Variants in DAB1 observed in about 807,000 individuals in gnomAD.
DAB1 encodes DAB adaptor protein 1.
DAB1 carries 15 observed loss-of-function variants against 64.6 expected under a neutral mutation model. That is an observed-to-expected ratio of 0.23 (90% CI 0.16 to 0.36). DAB1 has a LOEUF of 0.36. Among genes scored for constraint, DAB1 ranks in the 10% least tolerant of loss-of-function variants. The probability of loss-of-function intolerance (pLI) is 1.00; values close to 1 mark genes in which losing one functional copy is unlikely to be tolerated. For missense variants in DAB1, 596 were observed against 706.7 expected (o/e 0.84, Z 1.78); for synonymous variants, 235 against 251.9 (o/e 0.93, Z 0.64).
At chr1:57,365,846 C>A (rs1490852868) in intron 1 of DAB1, among the ~76,000 whole-genome samples, 1 of 152,124 alleles carries the variant, frequency 6.6e-6, no homozygotes, top group African/African-American at 2.4e-5. Context: ...ATCCTGACAC[C>A]TTCTAGTGTG....
rs1646007888 is a variant in DAB1 at position 57,979,423 on chromosome 1, G to A, written n.388-95261C>T. Among the ~76,000 whole-genome samples the A allele has an allele frequency of 2.6e-5, 4 of 152,268 alleles. 1 individual carries two copies. The South Asian group carries it at 8.3e-4, about 32-fold the overall frequency. On this transcript the variant is annotated intron_variant and non_coding_transcript_variant, in intron 5 of 20. Transcript: ENST00000485760. ...AGACCAGGGCCTATGGGGGATGGGG[G>A]GCTAGGGGAGGGATAACATTGGGAG...
intron 7 of DAB1, among the ~76,000 whole-genome samples, chr1:57,508,912 A>G (rs1558446127): frequency 6.6e-6 from 1 of 151,880 alleles, no homozygotes; most frequent in Admixed American, 6.6e-5. Flanking sequence ...TAAAACATTT[A>G]TATATGCACA....
Position 57,127,501 on chromosome 1 carries a change from C to T in DAB1, c.306+9042G>A, listed in dbSNP as rs533925226. 6.6e-4 allele frequency among the ~76,000 whole-genome samples: 101 copies of T among 152,270 alleles called. 1 individual carries two copies. Among genetic ancestry groups the T allele is most frequent in the Non-Finnish European group, 8.4e-4 (57 of 68,014 alleles). On this transcript the variant is annotated intron_variant, in intron 4 of 14. Transcript: ENST00000371236. ...TTCTATAACACTGATTATTTTCTAACAGAGTATATTATTTATGTATGTCTA... is the reference window on the plus strand; with the variant it reads ...TTCTATAACACTGATTATTTTCTAATAGAGTATATTATTTATGTATGTCTA...
intron 3 of DAB1, among the ~76,000 whole-genome samples, chr1:58,380,502 T>C (rs766407071): frequency 8.5e-5 from 13 of 152,216 alleles, no homozygotes; most frequent in Admixed American, 2.0e-4. Flanking sequence ...CAGCCCTGGA[T>C]TGTTGCATGA....
At chr1:57,675,374 T>G (rs1646553930) in intron 6 of DAB1, among the ~76,000 whole-genome samples, 1 of 152,168 alleles carries the variant, frequency 6.6e-6, no homozygotes, top group South Asian at 2.1e-4. Flanking sequence ...ATAAGGAAGC[T>G]CTACAGAGTC....
At chr1:57,813,495 G>A (rs1651721073) in intron 6 of DAB1, among the ~76,000 whole-genome samples, 1 of 152,214 alleles carries the variant, frequency 6.6e-6, no homozygotes, top group South Asian at 2.1e-4. Context: ...CACAGCAGAG[G>A]AACAGGCAGA....
intron 3 of DAB1, among the ~76,000 whole-genome samples, chr1:58,361,203 C>T (rs1644160702): frequency 1.3e-5 from 2 of 152,184 alleles, no homozygotes; most frequent in African/African-American, 2.4e-5. Flanking sequence ...GCCCCTGGGT[C>T]TGGCCTCCTA....
At chr1:57,005,245 C>T (rs570182362) in intron 14 of DAB1, among the ~76,000 whole-genome samples, 42 of 152,318 alleles carry the variant, frequency 2.8e-4, no homozygotes, top group African/African-American at 8.9e-4. Context: ...CAATGATGGG[C>T]ATCAATGATC....
chr1:58,345,713 T>C (rs1643988515), intron 3 of DAB1, among the ~76,000 whole-genome samples: 2 of 151,976 alleles, frequency 1.3e-5, no homozygotes, highest in South Asian at 4.2e-4. Context: ...TCCCCTCTCC[T>C]GAGCTTCCCT....
At chr1:57,035,539 T>G (rs1173768158) in intron 9 of DAB1, among the ~76,000 whole-genome samples, 1 of 152,118 alleles carries the variant, frequency 6.6e-6, no homozygotes, top group African/African-American at 2.4e-5. Flanking sequence ...AGTTGAAGAT[T>G]GATCTGAGCA....
intron 7 of DAB1, among the ~76,000 whole-genome samples, chr1:57,609,648 G>A (rs751230243): frequency 6.6e-5 from 10 of 152,160 alleles, no homozygotes; most frequent in African/African-American, 9.7e-5. Context: ...ATAGATAGTC[G>A]CTGGTTTTTT....
chr1:58,234,562 T>C (rs1440783642), intron 4 of DAB1, among the ~76,000 whole-genome samples: 2 of 152,208 alleles, frequency 1.3e-5, no homozygotes, highest in East Asian at 3.8e-4. Context: ...GCCCTCCTCC[T>C]GCTGGGCCCA....
chr1:57,827,835 A>G (rs1462371350), intron 1 of DAB1, among the ~76,000 whole-genome samples: 1 of 152,010 alleles, frequency 6.6e-6, no homozygotes, highest in Non-Finnish European at 1.5e-5. Context: ...GCCACTGACA[A>G]TCCCTAAGAG....
chr1:57,312,158 C>G (rs766887322), intron 1 of DAB1, among the ~76,000 whole-genome samples: 22 of 152,184 alleles, frequency 1.4e-4, no homozygotes, highest in Non-Finnish European at 3.2e-4. Context: ...CAACACGACC[C>G]CAGCCCTTAA....
chr1:57,364,055 G>A (rs191113890), intron 1 of DAB1, among the ~76,000 whole-genome samples: 271 of 152,226 alleles, frequency 1.8e-3, no homozygotes, highest in Non-Finnish European at 2.8e-3. Flanking sequence ...AGTTTTCTCC[G>A]TTGGCCATTT....
At chr1:58,242,544 A>C (rs1014918831) in intron 4 of DAB1, among the ~76,000 whole-genome samples, 4 of 152,160 alleles carry the variant, frequency 2.6e-5, no homozygotes, top group Non-Finnish European at 5.9e-5. Flanking sequence ...TGGTCACCAA[A>C]TTATAGATAA....
In DAB1 at chr1:57,732,113, A is replaced by C. The variant is rs541702502; in HGVS notation, n.552-82448T>G. ...AGAATAAAGGCACACATAACAAGCC[A>C]ATCTTGGGAAGAACAGTGGTGGTGG... On this transcript the variant is annotated intron_variant and non_coding_transcript_variant, in intron 6 of 20. Transcript: ENST00000485760. Among the ~76,000 whole-genome samples the C allele has an allele frequency of 2.0e-5, 3 of 152,284 alleles. No homozygotes were observed. In the South Asian group the frequency reaches 6.2e-4, roughly 32 times the overall value.
intron 4 of DAB1, among the ~76,000 whole-genome samples, chr1:58,174,433 C>T (rs1019653902): frequency 6.6e-6 from 1 of 152,166 alleles, no homozygotes; most frequent in Non-Finnish European, 1.5e-5. Flanking sequence ...ACAACTTCTA[C>T]CAAGGACCCC....
intron 6 of DAB1, among the ~76,000 whole-genome samples, chr1:57,759,971 C>G (rs909507572): frequency 2.0e-5 from 3 of 152,052 alleles, no homozygotes; most frequent in Admixed American, 6.6e-5. Context: ...TCTGAAACAA[C>G]AGCAAAGAGA....
Sources: allele counts gnomAD v4.1 joint callset (sites outside exome capture counted in the v4.1 genomes callset), GRCh38; gene constraint gnomAD v4.1.1; transcripts MANE v1.5; gene names NCBI Gene and HGNC (gene_info 2026-07-23, HGNC 2026-07-21).